Variants in PRSS48 observed in about 807,000 individuals in gnomAD.
PRSS48 encodes the protein serine protease 48, also known as epidermis-specific serine protease-like protein.
PRSS48 carries 21 observed loss-of-function variants against 25.6 expected under a neutral mutation model. The ratio of observed to expected loss-of-function variants is 0.82; its 90% confidence interval spans 0.58 to 1.18. The LOEUF (loss-of-function observed/expected upper bound fraction) is 1.18. Ranked by LOEUF, PRSS48 falls within the 50% of genes most tolerant of loss-of-function variation. The probability of loss-of-function intolerance (pLI) is 0.00; values close to 1 mark genes in which losing one functional copy is unlikely to be tolerated. For missense variants in PRSS48, 373 were observed against 399.3 expected, an observed-to-expected ratio of 0.93 and a Z score of 0.56; for synonymous variants, 150 against 149.3, an observed-to-expected ratio of 1.00 and a Z score of -0.04.
At chr4:151,280,269 G>C (rs1774088110) in intron 2 of PRSS48, among the ~76,000 whole-genome samples, 1 of 152,202 alleles carries the variant, frequency 6.6e-6, no homozygotes, top group Non-Finnish European at 1.5e-5. Context: ...CCACTGCTGT[G>C]AGAGAAGCAA....
chr4:151,290,497 A>T (rs1775216134), intron 4 of PRSS48, among the ~76,000 whole-genome samples: 1 of 152,236 alleles, frequency 6.6e-6, no homozygotes, highest in Non-Finnish European at 1.5e-5. Context: ...AAATCCATAG[A>T]GGCAGAGAGT....
At chr4:151,291,288 C>A in exon 5 of PRSS48, 1 of 1,613,986 alleles carries the variant, frequency 6.2e-7, no homozygotes, top group Non-Finnish European at 8.5e-7. Flanking sequence ...ATCTAGACTT[C>A]TCTGACTTCT....
chr4:151,279,710 A>G (rs1456050642), intron 1 of PRSS48, 86 bp from the exon 2 acceptor site: 1 of 1,320,368 alleles, frequency 7.6e-7, no homozygotes, highest in African/African-American at 1.4e-5. Flanking sequence ...CTAGGAATAG[A>G]TGGGAGTTTG....
chr4:151,282,127 C>G (rs772742989), intron 2 of PRSS48, 21 bp from the exon 3 acceptor site: 3 of 1,611,558 alleles, frequency 1.9e-6, no homozygotes, highest in Non-Finnish European at 2.5e-6. Context: ...CATAAGCAGG[C>G]CTCCTTTCTT....
intron 4 of PRSS48, among the ~76,000 whole-genome samples, chr4:151,286,326 A>C (rs997384583): frequency 1.3e-5 from 2 of 151,328 alleles, no homozygotes; most frequent in African/African-American, 2.4e-5. Context: ...TAAAAAGATC[A>C]ATAAAATTGA....
At chr4:151,277,306 C>T in intron 1 of PRSS48, 82 bp downstream of exon 1, 2 of 1,126,664 alleles carry the variant, frequency 1.8e-6, no homozygotes, top group South Asian at 2.3e-5. Context: ...TGTGACACTT[C>T]ACCCATGGGA....
chr4:151,280,163 A>C (rs2150006842), intron 2 of PRSS48, among the ~76,000 whole-genome samples: 1 of 68,902 alleles, frequency 1.5e-5, no homozygotes, highest in East Asian at 4.0e-4. Context: ...ACTATATTAA[A>C]GACTTTTCTT....
intron 1 of PRSS48, among the ~76,000 whole-genome samples, 164 bp downstream of exon 1, chr4:151,277,388 C>G (rs946660584): frequency 6.6e-6 from 1 of 152,076 alleles, no homozygotes; most frequent in African/African-American, 2.4e-5. Flanking sequence ...TTCCAATGCT[C>G]CCGATTGGAA....
At chr4:151,278,178 A>C (rs560258394) in intron 1 of PRSS48, among the ~76,000 whole-genome samples, 159 of 152,226 alleles carry the variant, frequency 1.0e-3, no homozygotes, top group Non-Finnish European at 1.8e-3. Flanking sequence ...CCTCAACCGC[A>C]TCTGAGGGCA....
rs375690535 is a variant in PRSS48 at position 151,282,215 on chromosome 4, G to A, written c.283G>A (p.Val95Met). 3 of 1,613,786 alleles carry A rather than the reference G, an allele frequency of 1.9e-6. No homozygotes were observed. Among genetic ancestry groups the A allele is most frequent in the African/African-American group, 2.7e-5 (2 of 74,924 alleles). The change falls in exon 3 of 5, where the codon GTG becomes ATG. Residue 95 changes from valine to methionine, a missense_variant. Val to Met is a conservative substitution (Grantham distance 21). Transcript: ENST00000455694. Reference sequence around the variant, plus strand: ...TACAGTAGGTGACTCAAGGAAACGTGTGAAGTACTACGTGTCCAAAATCGT... The same window carrying A: ...TACAGTAGGTGACTCAAGGAAACGTATGAAGTACTACGTGTCCAAAATCGT...
chr4:151,280,054 T>TTAG, intron 2 of PRSS48, 96 bp downstream of exon 2: 1 of 872,648 alleles, frequency 1.1e-6, no homozygotes, highest in Non-Finnish European at 1.7e-6. Flanking sequence ...AGTGGTAAAA[T>TTAG]AGGCAGGGCG....
At chr4:151,278,117 C>A (rs1461863342) in intron 1 of PRSS48, among the ~76,000 whole-genome samples, 1 of 152,152 alleles carries the variant, frequency 6.6e-6, no homozygotes, top group East Asian at 1.9e-4. Context: ...ACAAATACTG[C>A]AAAATGCCAA....
intron 4 of PRSS48, among the ~76,000 whole-genome samples, chr4:151,287,478 A>C (rs1435685338): frequency 1.3e-5 from 2 of 152,158 alleles, no homozygotes; most frequent in Non-Finnish European, 2.9e-5. Flanking sequence ...AAAAATCCTC[A>C]ATGAACCAAA....
intron 4 of PRSS48, among the ~76,000 whole-genome samples, chr4:151,285,603 T>C (rs1341278240): frequency 6.6e-6 from 1 of 152,176 alleles, no homozygotes; most frequent in Non-Finnish European, 1.5e-5. Flanking sequence ...ATGCCTACGT[T>C]AAACAATATA....
chr4:151,280,958 C>T (rs1157215089), intron 2 of PRSS48, among the ~76,000 whole-genome samples: 1 of 152,074 alleles, frequency 6.6e-6, no homozygotes, highest in Non-Finnish European at 1.5e-5. Context: ...AAAAATGTTA[C>T]CTCTCATGCA....
At chr4:151,278,159 A>G (rs910508778) in intron 1 of PRSS48, among the ~76,000 whole-genome samples, 4 of 152,252 alleles carry the variant, frequency 2.6e-5, no homozygotes, top group African/African-American at 9.6e-5. Flanking sequence ...AAAAGTAAAC[A>G]GCTTGCAACC....
chr4:151,282,558 T>C (rs1412815787), intron 3 of PRSS48, 145 bp downstream of exon 3: 1 of 829,912 alleles, frequency 1.2e-6, no homozygotes, highest in Non-Finnish European at 1.8e-6. Context: ...AGTTTTTAAA[T>C]AAAATATCTT....
At chr4:151,291,749 A>T (rs1775354688), downstream of PRSS48, among the ~76,000 whole-genome samples, 1 of 152,192 alleles carries the variant, frequency 6.6e-6, no homozygotes, top group African/African-American at 2.4e-5. Flanking sequence ...TTAAATAGCT[A>T]CTACAGAGGC....
intron 1 of PRSS48, chr4:151,278,990 T>C: frequency 3.9e-6 from 1 of 253,576 alleles, no homozygotes; most frequent in Non-Finnish European, 7.9e-6. Context: ...AAATATTCAC[T>C]GAGAACCTGT....
Sources: allele counts gnomAD v4.1 joint callset (sites outside exome capture counted in the v4.1 genomes callset), GRCh38; gene constraint gnomAD v4.1.1; transcripts MANE v1.5; gene names NCBI Gene and HGNC (gene_info 2026-07-23, HGNC 2026-07-21).